MTUS2: variants seen among roughly 807,000 people sequenced by gnomAD.
MTUS2 encodes microtubule associated scaffold protein 2.
A neutral mutation model predicts 114.1 loss-of-function variants in MTUS2; 40 were observed. That is an observed-to-expected ratio of 0.35 (90% CI 0.27 to 0.46). The LOEUF (loss-of-function observed/expected upper bound fraction) is 0.46, where lower values mean the gene tolerates loss of function less well. Ranked by LOEUF, MTUS2 falls within the 20% of genes least tolerant of loss-of-function variation. MTUS2 has a pLI of 1.00. For missense variants in MTUS2, 1,679 were observed against 1,705.4 expected (o/e 0.98, Z 0.27); for synonymous variants, 688 against 672.0 (o/e 1.02, Z -0.37).
chr13:29,471,250 G>A (rs1880267972), intron 9 of MTUS2, among the ~76,000 whole-genome samples: 1 of 152,102 alleles, frequency 6.6e-6, no homozygotes, highest in Admixed American at 6.5e-5. Flanking sequence ...GGCTGAGGCA[G>A]GAGAATCGCT....
At chr13:29,094,880 A>G (rs973726256) in intron 4 of MTUS2, among the ~76,000 whole-genome samples, 2 of 151,902 alleles carry the variant, frequency 1.3e-5, no homozygotes, top group African/African-American at 4.8e-5. Context: ...TATGTCATTC[A>G]TTTTTATTCA....
In MTUS2 at chr13:29,310,299, G is replaced by A. The variant is rs566244029; in HGVS notation, c.2807-14314G>A. On this transcript the variant is annotated intron_variant, in intron 6 of 15. Transcript: ENST00000612955. ...AGCTAAGGACACAGTAAAGCTGAAT[G>A]TCTGGGCCCTTAATCATATGCTGAA... 5.9e-5 allele frequency among the ~76,000 whole-genome samples: 9 copies of A among 152,308 alleles called. No individual in the cohort carries two copies. In the South Asian group the frequency reaches 1.9e-3, roughly 32 times the overall value.
At chr13:29,183,392 G>C (rs114658770) in intron 5 of MTUS2, among the ~76,000 whole-genome samples, 55 of 152,228 alleles carry the variant, frequency 3.6e-4, no homozygotes, top group African/African-American at 1.3e-3. Context: ...TCATTTGGGG[G>C]TAGGGTCAGA....
rs529142497 is a variant in MTUS2 at position 29,281,677 on chromosome 13, A to T, written c.2645-27A>T. On this transcript the variant is annotated intron_variant, in intron 5 of 15. Transcript: ENST00000612955. ...CTCCATCCATTTTTCATGAAGTTAT[A>T]ATTAACACGCTGTCTGCCTCCCACA... is the stretch of plus-strand genomic sequence containing the variant. 2.6e-4 allele frequency: 402 copies of T among 1,568,216 alleles called. 5 individuals carry two copies. In the South Asian group the frequency reaches 4.2e-3, roughly 16 times the overall value.
chr13:29,300,862 A>G (rs1289225607), intron 6 of MTUS2, among the ~76,000 whole-genome samples: 1 of 152,214 alleles, frequency 6.6e-6, no homozygotes, highest in Non-Finnish European at 1.5e-5. Flanking sequence ...CACTATAAAA[A>G]AATTAAGACT....
At chr13:28,918,753 C>G (rs892938815) in intron 2 of MTUS2, among the ~76,000 whole-genome samples, 8 of 152,058 alleles carry the variant, frequency 5.3e-5, no homozygotes, top group African/African-American at 1.9e-4. Context: ...GGTCTTCCTT[C>G]TTTCCTTCCT....
chr13:29,054,712 C>A (rs1327506121), intron 4 of MTUS2, among the ~76,000 whole-genome samples: 2 of 152,020 alleles, frequency 1.3e-5, no homozygotes, highest in Non-Finnish European at 2.9e-5. Flanking sequence ...TTATGTTTTC[C>A]TATGCTACTG....
chr13:29,495,355 CAAAA>C (rs561721512), intron 12 of MTUS2, among the ~76,000 whole-genome samples: 6 of 29,806 alleles, frequency 2.0e-4, no homozygotes, highest in African/African-American at 3.5e-4. Flanking sequence ...GAGTCTTTGT[CAAAA>C]AAAAAAAAAA....
chr13:28,922,127 G>A (rs1218409940), intron 2 of MTUS2, among the ~76,000 whole-genome samples: 1 of 152,154 alleles, frequency 6.6e-6, no homozygotes, highest in Non-Finnish European at 1.5e-5. Context: ...GTTTAAAAGT[G>A]TGTAGCACCT....
At chr13:28,891,286 G>A (rs1292515852) in intron 2 of MTUS2, among the ~76,000 whole-genome samples, 2 of 152,184 alleles carry the variant, frequency 1.3e-5, no homozygotes, top group Non-Finnish European at 2.9e-5. Context: ...AGCCAGAAAC[G>A]GTAATTTAAA....
chr13:29,462,377 T>A (rs771145560), intron 9 of MTUS2, among the ~76,000 whole-genome samples: 2 of 152,170 alleles, frequency 1.3e-5, no homozygotes, highest in Non-Finnish European at 2.9e-5. Flanking sequence ...ACATGCTCCA[T>A]CTATAGTCTT....
At position 28,937,942 on chromosome 13, in the gene MTUS2, A is replaced by C. The variant is rs1438795945; in HGVS notation, c.-242-86515A>C. On this transcript the variant is annotated intron_variant, in intron 2 of 15. Transcript: ENST00000612955. ...TTTAAAAGAAGAGCAACTTATGGAG[A>C]TTCCTAACCACTGACCCACACTTTC... 2.8e-4 allele frequency among the ~76,000 whole-genome samples: 43 copies of C among 152,128 alleles called. 1 individual carries two copies. The highest frequency in any genetic ancestry group is 2.8e-3 in the Admixed American group (43 of 15,278).
intron 6 of MTUS2, among the ~76,000 whole-genome samples, chr13:29,308,630 A>G (rs1247177610): frequency 6.6e-6 from 1 of 152,236 alleles, no homozygotes; most frequent in African/African-American, 2.4e-5. Context: ...ACAGATTGGG[A>G]TAAAATTTTT....
intron 5 of MTUS2, among the ~76,000 whole-genome samples, chr13:29,158,712 C>T (rs1238082187): frequency 6.6e-6 from 1 of 152,144 alleles, no homozygotes; most frequent in Admixed American, 6.5e-5. Flanking sequence ...AGCTGGATGC[C>T]TCTGAGATCT....
At chr13:29,390,267 G>A (rs999754793) in intron 8 of MTUS2, among the ~76,000 whole-genome samples, 1 of 151,838 alleles carries the variant, frequency 6.6e-6, no homozygotes, top group Non-Finnish European at 1.5e-5. Context: ...TATAGGATCA[G>A]GAGTGTATAA....
Position 29,498,525 on chromosome 13 carries a change from G to C in MTUS2, c.3786G>C (p.Glu1262Asp), listed in dbSNP as rs757486444. ...QIHEQEKKIL[E>D]LEKLAEKNII... ...ACGAGCAAGAAAAGAAGATTCTTGA[G>C]CTGGAAAAGCTGGTGAGTTGGTCTG... Residue 1262 changes from glutamate (E) to aspartate (D), a missense_variant, in exon 14 of 16, where the codon GAG becomes GAC. By Grantham distance (45) the Glu-to-Asp change is conservative. Coordinates refer to ENST00000612955, the MANE Select transcript of MTUS2 (RefSeq NM_001033602.4). The C allele has an allele frequency of 6.2e-7, 1 of 1,614,118 alleles. No homozygotes were observed. Among genetic ancestry groups the C allele is most frequent in the Non-Finnish European group, 8.5e-7 (1 of 1,180,008 alleles).
chr13:29,042,911 G>T (rs1486442390), intron 4 of MTUS2, among the ~76,000 whole-genome samples: 2 of 151,874 alleles, frequency 1.3e-5, no homozygotes, highest in Non-Finnish European at 2.9e-5. Flanking sequence ...TCTTTTCAAA[G>T]ACCTAGCTTT....
intron 2 of MTUS2, among the ~76,000 whole-genome samples, chr13:28,858,605 C>T (rs1248895391): frequency 3.9e-5 from 6 of 152,178 alleles, no homozygotes; most frequent in South Asian, 2.1e-4. Context: ...TATCCCCCAC[C>T]CTCAAACTTA....
At chr13:28,909,921 G>A (rs1165568154) in intron 2 of MTUS2, among the ~76,000 whole-genome samples, 1 of 152,142 alleles carries the variant, frequency 6.6e-6, no homozygotes, top group Non-Finnish European at 1.5e-5. Context: ...TGCATAGTAA[G>A]TATATATATT....
Sources: gnomAD v4.1 joint callset for allele counts (sites outside exome capture counted in the v4.1 genomes callset) on GRCh38, gnomAD v4.1.1 for gene constraint, MANE v1.5 for transcripts, NCBI Gene and HGNC (gene_info 2026-07-23, HGNC 2026-07-21) for gene names.